Variants in DPYSL5 observed in about 807,000 individuals in gnomAD.
DPYSL5 encodes dihydropyrimidinase-related protein 5.
A neutral mutation model predicts 58.4 loss-of-function variants in DPYSL5; 9 were observed. The observed-to-expected ratio is 0.15, with a 90% CI of 0.09 to 0.27. The LOEUF (loss-of-function observed/expected upper bound fraction) is 0.27. Ranked by LOEUF, DPYSL5 falls within the 10% of genes least tolerant of loss-of-function variation. The pLI is 1.00. For synonymous variants in DPYSL5, 293 were observed against 301.9 expected (o/e 0.97, Z 0.31); for missense variants, 499 against 770.6 (o/e 0.65, Z 4.17).
In DPYSL5 at chr2:26,867,637, AG is replaced by A. The variant is rs533722751; in HGVS notation, c.-5+19384del. ...CGCCCGGCTAATTTTTTGTATTTTT[AG>A]TAGAGACGGGGTTTCACCGTTTTAG... On this transcript the variant is annotated intron_variant, in intron 1 of 12. Coordinates refer to ENST00000288699, the MANE Select transcript of DPYSL5 (RefSeq NM_020134.4). Among the ~76,000 whole-genome samples the A allele has an allele frequency of 1.9e-3, 281 of 151,502 alleles. 2 individuals are homozygous for A. Among genetic ancestry groups the A allele is most frequent in the Admixed American group, 6.8e-3 (103 of 15,242 alleles).
intron 2 of DPYSL5, among the ~76,000 whole-genome samples, chr2:26,902,902 CCTG>C (rs958405842): frequency 6.6e-6 from 1 of 152,048 alleles, no homozygotes; most frequent in African/African-American, 2.4e-5. Context: ...TAACAAATGC[CCTG>C]GCAACATCAG....
intron 5 of DPYSL5, among the ~76,000 whole-genome samples, chr2:26,931,016 G>A (rs1558350401): frequency 6.7e-6 from 1 of 149,790 alleles, no homozygotes; most frequent in Non-Finnish European, 1.5e-5. Context: ...GCGCATGCCT[G>A]TAGTCCCAGC....
chr2:26,930,896 C>G (rs1256655342), intron 5 of DPYSL5, among the ~76,000 whole-genome samples: 3 of 151,584 alleles, frequency 2.0e-5, no homozygotes, highest in African/African-American at 7.3e-5. Flanking sequence ...ATGGTGTGAA[C>G]CCAGGAGGCG....
Position 26,925,127 on chromosome 2 carries a change from C to T in DPYSL5, c.420+82C>T, listed in dbSNP as rs968628816. ...GCTGGTTGGGGTGCAGTGCCTCCTG[C>T]TTGTGTGGGGCACCCCTCCCACTAC... On this transcript the variant is annotated intron_variant, in intron 3 of 12. Coordinates refer to ENST00000288699, the MANE Select transcript of DPYSL5 (RefSeq NM_020134.4). This position sits in a 1 kb window ranked among gnomAD's most constrained non-coding sequence, Gnocchi z 4.5. The T allele has an allele frequency of 2.6e-6, 4 of 1,526,420 alleles. No homozygotes were observed. The highest frequency in any genetic ancestry group is 3.5e-6 in the Non-Finnish European group (4 of 1,127,882). 94.6% of individuals were successfully genotyped at this position (1,526,420 alleles called of 1,614,324 possible). A position where few individuals can be genotyped will look rare whatever the true frequency, so the allele number is the denominator to read the frequency against.
At chr2:26,873,560 C>A (rs994783996) in intron 1 of DPYSL5, among the ~76,000 whole-genome samples, 1 of 152,110 alleles carries the variant, frequency 6.6e-6, no homozygotes, top group East Asian at 1.9e-4. Context: ...TATTAACTGG[C>A]CAAAAACTTC....
At chr2:26,930,462 C>T (rs1664941884) in intron 5 of DPYSL5, among the ~76,000 whole-genome samples, 1 of 152,166 alleles carries the variant, frequency 6.6e-6, no homozygotes. Context: ...ATGCTACAGG[C>T]ATCTAGCGAG....
intron 1 of DPYSL5, among the ~76,000 whole-genome samples, chr2:26,863,154 CTTCACTTT>C (rs1428344620): frequency 1.3e-5 from 2 of 152,174 alleles, no homozygotes; most frequent in Non-Finnish European, 2.9e-5. Flanking sequence ...CAGAATGTCC[CTTCACTTT>C]TTCACTGAGC....
At chr2:26,900,217 C>A (rs892061004) in intron 2 of DPYSL5, among the ~76,000 whole-genome samples, 8 of 152,202 alleles carry the variant, frequency 5.3e-5, no homozygotes, top group Admixed American at 1.3e-4. Context: ...TCAGGGATAA[C>A]CACTATCCTG....
intron 2 of DPYSL5, among the ~76,000 whole-genome samples, chr2:26,901,306 T>C (rs1664148716): frequency 1.3e-5 from 2 of 152,244 alleles, no homozygotes; most frequent in East Asian, 1.9e-4. Context: ...AGCCCTCACA[T>C]TAAGCCTCTG....
rs149642423 is a variant in DPYSL5 at position 26,932,048 on chromosome 2, G to GGAAAGAAAGAAAGAAA, written c.714+385_714+400dup. Among the ~76,000 whole-genome samples the GGAAAGAAAGAAAGAAA allele has an allele frequency of 2.0e-3, 95 of 47,632 alleles. 4 individuals are homozygous for GGAAAGAAAGAAAGAAA. The highest frequency in any genetic ancestry group is 8.9e-3 in the African/African-American group (89 of 9,978). The allele number at this position is 47,632 out of a possible 152,430, so 31.2% of individuals were successfully genotyped here. On this transcript the variant is annotated intron_variant, in intron 6 of 12. Coordinates refer to ENST00000288699, the MANE Select transcript of DPYSL5 (RefSeq NM_020134.4). ...AAAGAAAGAAAAGAAAAGAAAGAAAGGAAAGAAAGAAAGAAAGAAAGAAAG... is the reference window on the plus strand; with the variant it reads ...AAAGAAAGAAAAGAAAAGAAAGAAAGGAAAGAAAGAAAGAAAGAAAGAAAGAAAGAAAGAAAGAAAG...
At chr2:26,908,703 C>T (rs1190226693) in intron 2 of DPYSL5, among the ~76,000 whole-genome samples, 1 of 152,182 alleles carries the variant, frequency 6.6e-6, no homozygotes, top group Non-Finnish European at 1.5e-5. Flanking sequence ...TAAATACACC[C>T]TCTGTGATTG....
intron 8 of DPYSL5, among the ~76,000 whole-genome samples, chr2:26,935,232 TCTC>T (rs1325624245): frequency 6.6e-6 from 1 of 152,020 alleles, no homozygotes; most frequent in Non-Finnish European, 1.5e-5. Flanking sequence ...TTCCTCCAGA[TCTC>T]CTTTCTCCAG....
chr2:26,906,525 G>A (rs1354935020), intron 2 of DPYSL5, among the ~76,000 whole-genome samples: 4 of 152,084 alleles, frequency 2.6e-5, no homozygotes, highest in African/African-American at 7.2e-5. Context: ...CAGACCCACT[G>A]AGGATAATCT....
chr2:26,901,857 G>A lies in DPYSL5; in HGVS notation c.261+3097G>A, dbSNP rs1664168275. On this transcript the variant is annotated intron_variant, in intron 2 of 12. Transcript: ENST00000288699. ...AGGAAAACAAAACAGTTGAAAGCCTGGCCTTTCCGAGAACATCTGGGCCTC... is the reference window on the plus strand; with the variant it reads ...AGGAAAACAAAACAGTTGAAAGCCTAGCCTTTCCGAGAACATCTGGGCCTC... 2.8e-5 allele frequency among the ~76,000 whole-genome samples: 4 copies of A among 142,920 alleles called. No individual in the cohort carries two copies. In the South Asian group the frequency reaches 8.9e-4, roughly 32 times the overall value. The allele number at this position is 142,920 out of a possible 152,430, so 93.8% of individuals were successfully genotyped here. A position where few individuals can be genotyped will look rare whatever the true frequency, so the allele number is the denominator to read the frequency against.
intron 1 of DPYSL5, among the ~76,000 whole-genome samples, chr2:26,870,689 A>C (rs1441072610): frequency 4.6e-5 from 7 of 150,556 alleles, no homozygotes; most frequent in African/African-American, 1.5e-4. Context: ...TGAGCGACAT[A>C]GTAAGAAAGA....
At chr2:26,867,338 G>GAT (rs1197457195) in intron 1 of DPYSL5, among the ~76,000 whole-genome samples, 1 of 151,798 alleles carries the variant, frequency 6.6e-6, no homozygotes, top group African/African-American at 2.4e-5. Flanking sequence ...TAGGCCAACT[G>GAT]ATATAAATCT....
At position 26,944,016 on chromosome 2, in the gene DPYSL5, G is replaced by A. The variant is rs1665395094; in HGVS notation, c.1441-640G>A. On this transcript the variant is annotated intron_variant, in intron 11 of 12. Coordinates refer to ENST00000288699, the MANE Select transcript of DPYSL5 (RefSeq NM_020134.4). The surrounding 1 kb of genome is among the most constrained non-coding windows in gnomAD (Gnocchi z 4.4). ...CTCTCTAAAATTGACTTCCGGTTGG[G>A]CATGGTGGCTCACGCCTGTAATCCC... is the stretch of plus-strand genomic sequence containing the variant. 6.6e-6 allele frequency among the ~76,000 whole-genome samples: 1 copy of A among 152,204 alleles called. No individual in the cohort carries two copies. Among genetic ancestry groups the A allele is most frequent in the Non-Finnish European group, 1.5e-5 (1 of 68,044 alleles).
intron 1 of DPYSL5, among the ~76,000 whole-genome samples, chr2:26,854,433 T>C (rs1367183054): frequency 6.6e-6 from 1 of 152,122 alleles, no homozygotes; most frequent in Admixed American, 6.5e-5. Context: ...CACTGTAGCC[T>C]GGGTGACAGA....
At chr2:26,869,917 A>G (rs1487918711) in intron 1 of DPYSL5, among the ~76,000 whole-genome samples, 4 of 152,168 alleles carry the variant, frequency 2.6e-5, no homozygotes, top group Non-Finnish European at 5.9e-5. Flanking sequence ...AGGCTGAGGT[A>G]GGAGAATTGC....
Sources: allele counts gnomAD v4.1 joint callset (sites outside exome capture counted in the v4.1 genomes callset), GRCh38; gene constraint gnomAD v4.1.1; non-coding constraint Gnocchi (gnomAD v3.1); transcripts MANE v1.5; gene names NCBI Gene and HGNC (gene_info 2026-07-23, HGNC 2026-07-21).